MMEL1: variants seen among roughly 807,000 people sequenced by gnomAD.
MMEL1 encodes membrane metalloendopeptidase like 1, also known as membrane metallo-endopeptidase-like 1.
In MMEL1, 98 loss-of-function variants were observed where a neutral mutation model predicts 117.1. The observed-to-expected ratio is 0.84, with a 90% CI of 0.71 to 0.99. The LOEUF is 0.99. MMEL1 is among the 50% of genes least tolerant of loss of function. The pLI, the probability that MMEL1 is intolerant of heterozygous loss-of-function variation, is 0.00. For synonymous variants in MMEL1, 390 were observed against 415.1 expected, an observed-to-expected ratio of 0.94 and a Z score of 0.74; for missense variants, 1,014 against 1,049.1, an observed-to-expected ratio of 0.97 and a Z score of 0.46.
chr1:2,601,512 A>T (rs914423370), intron 11 of MMEL1, among the ~76,000 whole-genome samples: 4 of 152,368 alleles, frequency 2.6e-5, no homozygotes, highest in Middle Eastern at 3.4e-3. Flanking sequence ...GTTCTTTAGC[A>T]GAACACAAAG....
rs531385887 is a variant in MMEL1 at position 2,623,812 on chromosome 1, C to G, written c.154+5519G>C. Among the ~76,000 whole-genome samples, 44 of 152,304 alleles carry G rather than the reference C, an allele frequency of 2.9e-4. No individual in the cohort carries two copies. The South Asian group carries it at 8.9e-3, about 31-fold the overall frequency. ...TTTGGCTGAGACATGAAACTATACT[C>G]GTCTGGCAGGCAGCAAAAGCTTTAA... is the stretch of plus-strand genomic sequence containing the variant. On this transcript the variant is annotated intron_variant, in intron 2 of 23. Transcript: ENST00000378412.
At chr1:2,630,641 G>C (rs541651712) in intron 1 of MMEL1, among the ~76,000 whole-genome samples, 3 of 151,622 alleles carry the variant, frequency 2.0e-5, no homozygotes, top group East Asian at 1.9e-4. Context: ...CTGTGCTCGC[G>C]TGTGTGCGTG....
Position 2,590,984 on chromosome 1 carries a change from C to A in MMEL1, c.*6G>T. On this transcript the variant is annotated 3_prime_UTR_variant, in exon 24 of 24. Transcript: ENST00000378412. ...GCGTGGGCCGCACAGCGCGGCAGGG[C>A]CTTGGCTACCACACGCGGCATCGCT... 6.4e-7 allele frequency: 1 copy of A among 1,574,280 alleles called. No individual in the cohort carries two copies.
chr1:2,606,502 C>T (rs1645031372), intron 7 of MMEL1, 136 bp from the exon 8 acceptor site: 2 of 643,474 alleles, frequency 3.1e-6, no homozygotes, highest in Non-Finnish European at 5.4e-6. Flanking sequence ...GCCTTAGGGG[C>T]TGGGGGATGT....
chr1:2,592,124 A>T, intron 21 of MMEL1, 97 bp from the exon 22 acceptor site: 1 of 989,490 alleles, frequency 1.0e-6, no homozygotes, highest in South Asian at 1.5e-5. Context: ...TCCAGGACCT[A>T]CCCCTGTGGG....
intron 10 of MMEL1, 31 bp downstream of exon 10, chr1:2,604,116 G>GCC: frequency 6.5e-7 from 1 of 1,533,654 alleles, no homozygotes; most frequent in Non-Finnish European, 9.0e-7. Flanking sequence ...CCCACTCGCT[G>GCC]CCCGCTCCCC....
At chr1:2,626,958 T>C (rs1190327199) in intron 2 of MMEL1, among the ~76,000 whole-genome samples, 2 of 152,086 alleles carry the variant, frequency 1.3e-5, no homozygotes, top group Non-Finnish European at 2.9e-5. Flanking sequence ...AATTAAAAGA[T>C]AGACAAACCC....
intron 2 of MMEL1, 24 bp downstream of exon 2, chr1:2,629,307 C>G (rs1638426048): frequency 6.6e-7 from 1 of 1,513,088 alleles, no homozygotes; most frequent in Non-Finnish European, 8.8e-7. Context: ...CGGGGACAGG[C>G]GGGGGCGGGG....
chr1:2,613,253 G>C (rs1187575722), intron 2 of MMEL1, among the ~76,000 whole-genome samples: 1 of 152,228 alleles, frequency 6.6e-6, no homozygotes, highest in East Asian at 1.9e-4. Context: ...GAGCTTCAGA[G>C]CAAAGGAATC....
At chr1:2,597,153 G>A (rs530916756) in intron 13 of MMEL1, among the ~76,000 whole-genome samples, 1 of 152,178 alleles carries the variant, frequency 6.6e-6, no homozygotes, top group African/African-American at 2.4e-5. Context: ...ACAGGAGCAC[G>A]AGACTCTGGG....
chr1:2,591,478 C>G, intron 23 of MMEL1, 79 bp downstream of exon 23: 2 of 1,214,036 alleles, frequency 1.6e-6, no homozygotes, highest in Admixed American at 1.7e-5. Flanking sequence ...ACTTTTTGTG[C>G]TTTCTTCTTT....
chr1:2,590,897 G>T lies in MMEL1; in HGVS notation c.*93C>A, dbSNP rs1194253302. On this transcript the variant is annotated 3_prime_UTR_variant, in exon 24 of 24. Transcript: ENST00000378412. Reference sequence around the variant, plus strand: ...CAGGCTTGGCATGGTTGGCCGGGGCGGGACGTACACTGGGTCGCCGCTAGC... The same window carrying T: ...CAGGCTTGGCATGGTTGGCCGGGGCTGGACGTACACTGGGTCGCCGCTAGC... The T allele has an allele frequency of 9.8e-7, 1 of 1,023,058 alleles. No homozygotes were observed. Among genetic ancestry groups the T allele is most frequent in the Non-Finnish European group, 1.3e-6 (1 of 765,722 alleles). The allele number at this position is 1,023,058 out of a possible 1,614,324, so 63.4% of individuals were successfully genotyped here.
chr1:2,592,668 C>T lies in MMEL1; in HGVS notation c.2054G>A (p.Arg685Gln), dbSNP rs146100312. ...GENIADNGGV[R>Q]QAYKAYLKWM... ...GCCAGGCCCCACCTTATAGGCTTGC[C>T]GCACCCCTCCGTTGTCAGCAATGTT... The change falls in exon 21 of 24, where the codon CGG becomes CAG. Residue 685 changes from arginine (R) to glutamine (Q), a missense_variant. By Grantham distance (43) the Arg-to-Gln change is conservative. Coordinates refer to ENST00000378412, the MANE Select transcript of MMEL1 (RefSeq NM_033467.4). The T allele has an allele frequency of 7.7e-4, 1,227 of 1,592,880 alleles. 5 individuals carry two copies. Among genetic ancestry groups the T allele is most frequent in the South Asian group, 1.5e-3 (137 of 90,034 alleles).
Position 2,632,871 on chromosome 1 carries a change from C to T in MMEL1, c.-43G>A. On this transcript the variant is annotated 5_prime_UTR_variant, in exon 1 of 24. Transcript: ENST00000378412. ...CTTCCTTCAGCACAACTCACCTTTG[C>T]TCACTCAGGAGTGGCTGCCGCCCAC... is the stretch of plus-strand genomic sequence containing the variant. The T allele has an allele frequency of 1.0e-6, 1 of 985,634 alleles. No individual in the cohort carries two copies. The highest frequency in any genetic ancestry group is 1.2e-6 in the Non-Finnish European group (1 of 830,018). 61.1% of individuals were successfully genotyped at this position (985,634 alleles called of 1,614,324 possible).
At chr1:2,623,796 G>A (rs928116194) in intron 2 of MMEL1, among the ~76,000 whole-genome samples, 17 of 152,218 alleles carry the variant, frequency 1.1e-4, no homozygotes, top group Admixed American at 6.5e-5. Flanking sequence ...CTTTGGCTGA[G>A]ACATGAAACT....
chr1:2,599,021 G>A (rs1212234776), intron 11 of MMEL1, among the ~76,000 whole-genome samples: 1 of 152,120 alleles, frequency 6.6e-6, no homozygotes, highest in Non-Finnish European at 1.5e-5. Flanking sequence ...CAAGTTCCTA[G>A]AAAAACACAA....
intron 21 of MMEL1, 136 bp from the exon 22 acceptor site, chr1:2,592,163 C>T: frequency 2.9e-6 from 2 of 692,942 alleles, no homozygotes; most frequent in Non-Finnish European, 4.9e-6. Context: ...GCCCTTCACA[C>T]ACCCCACGGA....
chr1:2,614,264 A>G (rs1342906161), intron 2 of MMEL1, among the ~76,000 whole-genome samples: 1 of 152,258 alleles, frequency 6.6e-6, no homozygotes, highest in African/African-American at 2.4e-5. Context: ...ACTGAAATGG[A>G]TAGGGGAATA....
At position 2,609,326 on chromosome 1, in the gene MMEL1, G is replaced by T. The variant is rs568503970; in HGVS notation, c.535+13C>A. The T allele has an allele frequency of 1.2e-6, 2 of 1,607,544 alleles. No individual in the cohort carries two copies. Among genetic ancestry groups the T allele is most frequent in the South Asian group, 1.1e-5 (1 of 90,044 alleles). ...TCCCCTGCCTCGGCCCCTTCCTGGC[G>T]GCCCCCACTCACTCTGGTTCATGCA... is the stretch of plus-strand genomic sequence containing the variant. On this transcript the variant is annotated intron_variant, in intron 6 of 23. Transcript: ENST00000378412.
Sources: allele counts gnomAD v4.1 joint callset (sites outside exome capture counted in the v4.1 genomes callset), GRCh38; gene constraint gnomAD v4.1.1; transcripts MANE v1.5; gene names NCBI Gene and HGNC (gene_info 2026-07-23, HGNC 2026-07-21).